Variants in ITPK1 observed in about 807,000 individuals in gnomAD.
The protein encoded by ITPK1 is inositol-tetrakisphosphate 1-kinase, also known as inositol 1,3,4-trisphosphate 5/6-kinase.
A neutral mutation model predicts 45.3 loss-of-function variants in ITPK1; 21 were observed. That is an observed-to-expected ratio of 0.46 (90% CI 0.33 to 0.67). The LOEUF (loss-of-function observed/expected upper bound fraction) is 0.67. Among genes scored for constraint, ITPK1 ranks in the 30% least tolerant of loss-of-function variants. The pLI, the probability that ITPK1 is intolerant of heterozygous loss-of-function variation, is 0.02. For synonymous variants in ITPK1, 258 were observed against 253.6 expected (o/e 1.02, Z -0.16); for missense variants, 474 against 573.5 (o/e 0.83, Z 1.77).
At chr14:92,943,064 T>C (rs1429552661) in intron 10 of ITPK1, among the ~76,000 whole-genome samples, 1 of 152,232 alleles carries the variant, frequency 6.6e-6, no homozygotes. Context: ...GAAGCCCAAG[T>C]CTGAGAGGGG....
At position 92,938,244 on chromosome 14, in the gene ITPK1, C is replaced by T. The variant is rs780720481; in HGVS notation, c.*3317G>A. 2.0e-5 allele frequency: 12 copies of T among 585,852 alleles called. No individual in the cohort carries two copies. The highest frequency in any genetic ancestry group is 1.1e-4 in the African/African-American group (6 of 53,522). The allele number at this position is 585,852 out of a possible 1,614,324, so 36.3% of individuals were successfully genotyped here. A position where few individuals can be genotyped will look rare whatever the true frequency, so the allele number is the denominator to read the frequency against. On this transcript the variant is annotated 3_prime_UTR_variant, in exon 11 of 11. Coordinates refer to ENST00000267615, the MANE Select transcript of ITPK1 (RefSeq NM_014216.6). ...AAGTGCTGGGATGACAGGCGTGAGCCGCCATGCCCGGCCAGAGTTTCTAGG... is the reference window on the plus strand; with the variant it reads ...AAGTGCTGGGATGACAGGCGTGAGCTGCCATGCCCGGCCAGAGTTTCTAGG...
In ITPK1 at chr14:93,098,435, C is replaced by T. The variant is rs181756152; in HGVS notation, c.95+16634G>A. On this transcript the variant is annotated intron_variant, in intron 2 of 10. Coordinates refer to ENST00000267615, the MANE Select transcript of ITPK1 (RefSeq NM_014216.6). ...TCACGCTGCCGCACTCCAACCTGGG[C>T]GACAGAGCGAGATTCCGTCTCAAAA... Among the ~76,000 whole-genome samples, 151 of 147,740 alleles carry T rather than the reference C, an allele frequency of 1.0e-3. No individual in the cohort carries two copies. In the East Asian group the frequency reaches 0.021, roughly 21 times the overall value.
intron 3 of ITPK1, among the ~76,000 whole-genome samples, chr14:93,047,107 A>G (rs1889810685): frequency 6.6e-6 from 1 of 152,264 alleles, no homozygotes; most frequent in Non-Finnish European, 1.5e-5. Context: ...TGGGGCCCTC[A>G]GGCCAAGCCG....
intron 4 of ITPK1, among the ~76,000 whole-genome samples, chr14:93,003,899 C>T (rs1042354732): frequency 6.6e-6 from 1 of 152,248 alleles, no homozygotes; most frequent in African/African-American, 2.4e-5. Flanking sequence ...CTTAAGTTAT[C>T]TGTATCTCAG....
intron 10 of ITPK1, among the ~76,000 whole-genome samples, chr14:92,945,785 G>A (rs1162439234): frequency 3.3e-5 from 5 of 152,188 alleles, no homozygotes; most frequent in Admixed American, 3.3e-4. Flanking sequence ...CAATGCCAGT[G>A]GGTTCCTAGG....
Position 93,020,809 on chromosome 14 carries a change from T to TAAAGCAAGAAGC in ITPK1, c.121-4020_121-4009dup, listed in dbSNP as rs1270644008. Among the ~76,000 whole-genome samples, 9 of 152,258 alleles carry TAAAGCAAGAAGC rather than the reference T, an allele frequency of 5.9e-5. No individual in the cohort carries two copies. In the East Asian group the frequency reaches 1.7e-3, roughly 29 times the overall value. ...CTAGGAACCTCAGTTTCCTTGTCTT[T>TAAAGCAAGAAGC]AAAGCAAGAAGCCTCGCGATCCCAG... is the stretch of plus-strand genomic sequence containing the variant. On this transcript the variant is annotated intron_variant, in intron 3 of 10. Coordinates refer to ENST00000267615, the MANE Select transcript of ITPK1 (RefSeq NM_014216.6).
chr14:93,046,799 C>T (rs1007109346), intron 3 of ITPK1, among the ~76,000 whole-genome samples: 1 of 152,198 alleles, frequency 6.6e-6, no homozygotes, highest in Non-Finnish European at 1.5e-5. Context: ...AAAGCTCAGT[C>T]ACTAGCTAGC....
Position 93,003,606 on chromosome 14 carries a change from C to T in ITPK1, c.247-9609G>A, listed in dbSNP as rs544488098. ...GGAGGTTGCAGCAGCATCCACTGTA[C>T]GCTGGGACAGGACCACCAAGCCTAG... On this transcript the variant is annotated intron_variant, in intron 4 of 10. Coordinates refer to ENST00000267615, the MANE Select transcript of ITPK1 (RefSeq NM_014216.6). Among the ~76,000 whole-genome samples, 84 of 152,330 alleles carry T rather than the reference C, an allele frequency of 5.5e-4. 2 individuals are homozygous for T. Among genetic ancestry groups the T allele is most frequent in the Admixed American group, 4.2e-3 (65 of 15,300 alleles).
At chr14:92,994,536 C>T (rs924577217) in intron 4 of ITPK1, among the ~76,000 whole-genome samples, 2 of 152,224 alleles carry the variant, frequency 1.3e-5, no homozygotes, top group Non-Finnish European at 2.9e-5. Context: ...GTGACAAAAA[C>T]CAGTCTCTAA....
At chr14:92,964,609 G>T (rs891200559) in intron 5 of ITPK1, among the ~76,000 whole-genome samples, 2 of 152,216 alleles carry the variant, frequency 1.3e-5, no homozygotes, top group African/African-American at 4.8e-5. Context: ...ATTTAAACTG[G>T]AGGGTTCTGC....
At chr14:92,960,972 C>T (rs757029554) in intron 7 of ITPK1, among the ~76,000 whole-genome samples, 11 of 152,260 alleles carry the variant, frequency 7.2e-5, no homozygotes, top group Non-Finnish European at 1.5e-4. Flanking sequence ...CACACTCCTT[C>T]CCATCACAGC....
chr14:92,952,116 G>T (rs970473881), intron 8 of ITPK1, 103 bp from the exon 9 acceptor site: 1 of 917,726 alleles, frequency 1.1e-6, no homozygotes, highest in Non-Finnish European at 1.7e-6. Context: ...CACACAACAC[G>T]TGGCCCCCGG....
chr14:92,988,350 GCACTGGCGACC>G (rs928135159), intron 5 of ITPK1, among the ~76,000 whole-genome samples: 2 of 152,338 alleles, frequency 1.3e-5, no homozygotes, highest in African/African-American at 4.8e-5. Flanking sequence ...CACGTCCGAG[GCACTGGCGACC>G]CACTTCCCAG....
chr14:93,011,780 T>A (rs956338614), intron 4 of ITPK1, among the ~76,000 whole-genome samples: 1 of 152,092 alleles, frequency 6.6e-6, no homozygotes, highest in African/African-American at 2.4e-5. Context: ...GTAAACAGTG[T>A]CCTCAGCTGC....
chr14:93,035,088 C>T (rs985580501), intron 3 of ITPK1, among the ~76,000 whole-genome samples: 1 of 152,266 alleles, frequency 6.6e-6, no homozygotes, highest in Non-Finnish European at 1.5e-5. Context: ...CTCTGCCCAC[C>T]ACCCCCTCTG....
intron 3 of ITPK1, among the ~76,000 whole-genome samples, chr14:93,024,204 G>A (rs994686959): frequency 1.3e-5 from 2 of 152,168 alleles, no homozygotes; most frequent in African/African-American, 2.4e-5. Context: ...CCTGGAGGAA[G>A]GAACTCGCGG....
intron 3 of ITPK1, among the ~76,000 whole-genome samples, chr14:93,029,108 A>ACAGTATATATTGGGCAT (rs1314772070): frequency 1.3e-5 from 2 of 152,192 alleles, no homozygotes; most frequent in Non-Finnish European, 2.9e-5. Context: ...ACCTATCCAT[A>ACAGTATATATTGGGCAT]CAGTATATAT....
intron 2 of ITPK1, among the ~76,000 whole-genome samples, chr14:93,077,471 C>T (rs957572971): frequency 2.6e-5 from 4 of 152,202 alleles, no homozygotes; most frequent in Non-Finnish European, 5.9e-5. Context: ...GCACCCACCA[C>T]CACGCCCGGC....
chr14:93,108,765 C>A (rs1170269697), intron 2 of ITPK1, among the ~76,000 whole-genome samples: 1 of 152,234 alleles, frequency 6.6e-6, no homozygotes, highest in East Asian at 1.9e-4. Context: ...GTAATCCCAG[C>A]ACTTTGGGAG....
Sources: allele counts gnomAD v4.1 joint callset (sites outside exome capture counted in the v4.1 genomes callset), GRCh38; gene constraint gnomAD v4.1.1; transcripts MANE v1.5; gene names NCBI Gene and HGNC (gene_info 2026-07-23, HGNC 2026-07-21).